The following WNT3 variants were observed in gnomAD, a reference collection of about 807,000 sequenced individuals.
WNT3 encodes the protein proto-oncogene Wnt-3.
WNT3 carries 7 observed loss-of-function variants against 34.2 expected under a neutral mutation model. The ratio of observed to expected loss-of-function variants is 0.20; its 90% CI spans 0.12 to 0.38. The LOEUF (loss-of-function observed/expected upper bound fraction) is 0.38, where lower values mean the gene tolerates loss of function less well. WNT3 is among the 10% of genes least tolerant of loss of function. The pLI is 1.00. For missense variants in WNT3, 267 were observed against 499.8 expected (o/e 0.53, Z 4.44); for synonymous variants, 212 against 211.5 (o/e 1.00, Z -0.02).
intron 1 of WNT3, among the ~76,000 whole-genome samples, chr17:46,785,777 G>C (rs1255321167): frequency 2.6e-5 from 4 of 152,174 alleles, no homozygotes; most frequent in Admixed American, 2.0e-4. Flanking sequence ...TCAGTCAGAG[G>C]GAAGAGGCTG....
chr17:46,778,569 C>T (rs1209243535), intron 1 of WNT3, among the ~76,000 whole-genome samples: 1 of 152,152 alleles, frequency 6.6e-6, no homozygotes, highest in Non-Finnish European at 1.5e-5. Context: ...TGAAATTCCA[C>T]CATCGCAGAC....
intron 1 of WNT3, among the ~76,000 whole-genome samples, chr17:46,791,219 T>C (rs1226915901): frequency 6.7e-6 from 1 of 149,206 alleles, no homozygotes; most frequent in African/African-American, 2.5e-5. Flanking sequence ...TCCTTACTCT[T>C]TTTTTTTTTT....
chr17:46,784,901 G>A (rs561917373), intron 1 of WNT3, among the ~76,000 whole-genome samples: 6 of 151,278 alleles, frequency 4.0e-5, no homozygotes, highest in South Asian at 2.1e-4. Context: ...TCAGCCTCCC[G>A]AGTAGCTGGG....
In WNT3 at chr17:46,763,935, C is replaced by G. The variant is rs575994894; in HGVS notation, c.*695G>C. The stretch of plus-strand genomic sequence containing the variant: ...AGATCTGACTGCCCCTCGTGCAGAA[C>G]AGGGTTATAGAGAAAATGAGACTGA... On this transcript the variant is annotated 3_prime_UTR_variant, in exon 5 of 5. Transcript: ENST00000225512. 1 of 151,394 alleles carries G rather than the reference C, an allele frequency of 6.6e-6. No individual in the cohort carries two copies. The highest frequency in any genetic ancestry group is 2.1e-4 in the South Asian group (1 of 4,776). 9.4% of individuals were successfully genotyped at this position (151,394 alleles called of 1,614,324 possible).
chr17:46,812,202 A>G (rs1479581838), intron 1 of WNT3, among the ~76,000 whole-genome samples: 1 of 152,136 alleles, frequency 6.6e-6, no homozygotes, highest in African/African-American at 2.4e-5. Context: ...AGAGCAGGGA[A>G]TTCCCTCTCT....
chr17:46,781,962 A>G (rs1200669243), intron 1 of WNT3, among the ~76,000 whole-genome samples: 1 of 152,180 alleles, frequency 6.6e-6, no homozygotes, highest in Non-Finnish European at 1.5e-5. Context: ...CAGGCTTTTA[A>G]CCTGGGGGTG....
intron 4 of WNT3, among the ~76,000 whole-genome samples, chr17:46,767,977 CG>C (rs910452249): frequency 1.3e-5 from 2 of 152,184 alleles, no homozygotes; most frequent in Admixed American, 6.5e-5. Context: ...TTAGTAGAGA[CG>C]GGTTTCACCA....
At chr17:46,815,414 C>A (rs1028853360) in intron 1 of WNT3, among the ~76,000 whole-genome samples, 1 of 152,096 alleles carries the variant, frequency 6.6e-6, no homozygotes, top group Admixed American at 6.5e-5. Flanking sequence ...CTTGAGGGTC[C>A]GCGTGGACAG....
intron 1 of WNT3, among the ~76,000 whole-genome samples, chr17:46,787,697 T>C (rs796659631): frequency 4.6e-5 from 7 of 152,308 alleles, no homozygotes; most frequent in African/African-American, 1.7e-4. Context: ...CTCACGCCTG[T>C]ATTCCCGGCA....
intron 2 of WNT3, among the ~76,000 whole-genome samples, chr17:46,770,543 G>A (rs2059355330): frequency 6.6e-6 from 1 of 152,114 alleles, no homozygotes; most frequent in African/African-American, 2.4e-5. Context: ...GCACGTGGAT[G>A]CATAGGGACG....
intron 1 of WNT3, among the ~76,000 whole-genome samples, chr17:46,794,339 G>A (rs969460483): frequency 1.3e-5 from 2 of 152,192 alleles, no homozygotes; most frequent in African/African-American, 4.8e-5. Context: ...GCGGTGAAGA[G>A]GGGTCACCAT....
rs374576514 is a variant in WNT3 at position 46,764,132 on chromosome 17, G to T, written c.*498C>A. Reference sequence around the variant, plus strand: ...AATTAGCTCAAATTTGAATGGGAGTGGACCAAGAAAAGGAGACTGCAGGGG... The same window carrying T: ...AATTAGCTCAAATTTGAATGGGAGTTGACCAAGAAAAGGAGACTGCAGGGG... On this transcript the variant is annotated 3_prime_UTR_variant, in exon 5 of 5. Transcript: ENST00000225512. 3.9e-5 allele frequency: 6 copies of T among 152,316 alleles called. No individual in the cohort carries two copies. Among genetic ancestry groups the T allele is most frequent in the East Asian group, 1.9e-4 (1 of 5,192 alleles). The allele number at this position is 152,316 out of a possible 1,614,324, so 9.4% of individuals were successfully genotyped here. A position where few individuals can be genotyped will look rare whatever the true frequency, so the allele number is the denominator to read the frequency against.
chr17:46,773,649 C>G lies in WNT3; in HGVS notation c.322+19G>C, dbSNP rs1260960384. ...CCCCCCACCCAGCCCCTCCCCCCCCCTCAGCCCCAAGGCAGTACCTTTGTC... is the reference window on the plus strand; with the variant it reads ...CCCCCCACCCAGCCCCTCCCCCCCCGTCAGCCCCAAGGCAGTACCTTTGTC... On this transcript the variant is annotated intron_variant, in intron 2 of 4. Coordinates refer to ENST00000225512, the MANE Select transcript of WNT3 (RefSeq NM_030753.5). The G allele has an allele frequency of 1.3e-6, 2 of 1,542,260 alleles. No homozygotes were observed. Among genetic ancestry groups the G allele is most frequent in the African/African-American group, 1.4e-5 (1 of 71,572 alleles).
chr17:46,817,016 C>T (rs1029051470), intron 1 of WNT3, among the ~76,000 whole-genome samples: 4 of 152,192 alleles, frequency 2.6e-5, no homozygotes, highest in African/African-American at 9.7e-5. Flanking sequence ...TTAGCCCAGC[C>T]CCCCGGAAAA....
chr17:46,773,630 ACCCAG>A, intron 2 of WNT3, 33 bp downstream of exon 2: 37 of 148,978 alleles, frequency 2.5e-4, no homozygotes, highest in South Asian at 5.3e-4. Flanking sequence ...CCCTCCCCCC[ACCCAG>A]CCCCTCCCCC....
intron 1 of WNT3, among the ~76,000 whole-genome samples, chr17:46,803,082 T>C (rs1009999580): frequency 2.0e-5 from 3 of 152,164 alleles, no homozygotes; most frequent in African/African-American, 4.8e-5. Context: ...ATCATCAGAA[T>C]TGAATTGGAT....
chr17:46,775,053 G>A (rs1254697064), intron 1 of WNT3, among the ~76,000 whole-genome samples: 10 of 152,196 alleles, frequency 6.6e-5, no homozygotes, highest in Admixed American at 6.5e-4. Context: ...GAGGGGCCGG[G>A]AGAAGACCCC....
intron 1 of WNT3, among the ~76,000 whole-genome samples, chr17:46,789,254 C>T (rs1010518317): frequency 1.3e-5 from 2 of 152,216 alleles, no homozygotes; most frequent in Admixed American, 6.5e-5. Context: ...AGGGCTGGCA[C>T]CTACCTGGAC....
At chr17:46,815,171 C>T (rs1482686443) in intron 1 of WNT3, among the ~76,000 whole-genome samples, 2 of 152,080 alleles carry the variant, frequency 1.3e-5, no homozygotes, top group Non-Finnish European at 2.9e-5. Flanking sequence ...CATCCCCCCA[C>T]CCCAGCGCCC....
Sources: allele counts gnomAD v4.1 joint callset (sites outside exome capture counted in the v4.1 genomes callset), GRCh38; gene constraint gnomAD v4.1.1; transcripts MANE v1.5; gene names NCBI Gene and HGNC (gene_info 2026-07-23, HGNC 2026-07-21).